TSHZ2: variants seen among roughly 807,000 people sequenced by gnomAD.
TSHZ2 encodes teashirt zinc finger homeobox 2.
A neutral mutation model predicts 74.4 loss-of-function variants in TSHZ2; 21 were observed. The observed-to-expected ratio is 0.28, with a 90% confidence interval of 0.20 to 0.41. The LOEUF is 0.41. TSHZ2 is among the 10% of genes least tolerant of loss of function. The pLI, the probability that TSHZ2 is intolerant of heterozygous loss-of-function variation, is 1.00. For synonymous variants in TSHZ2, 540 were observed against 515.3 expected (o/e 1.05, Z -0.65); for missense variants, 1,244 against 1,293.5 (o/e 0.96, Z 0.59).
intron 1 of TSHZ2, among the ~76,000 whole-genome samples, chr20:52,992,763 A>T (rs1982040908): frequency 6.6e-6 from 1 of 152,228 alleles, no homozygotes; most frequent in Non-Finnish European, 1.5e-5. Flanking sequence ...TAAATGTTTA[A>T]TAAGTTTTAT....
intron 2 of TSHZ2, among the ~76,000 whole-genome samples, chr20:53,415,768 TG>T (rs2145706289): frequency 6.6e-6 from 1 of 151,406 alleles, no homozygotes; most frequent in East Asian, 1.9e-4. Context: ...TGCATGCTTG[TG>T]TACTATAAAT....
intron 2 of TSHZ2, among the ~76,000 whole-genome samples, chr20:53,444,122 TCTC>T (rs991779815): frequency 1.1e-4 from 17 of 152,020 alleles, no homozygotes; most frequent in Admixed American, 8.5e-4. Context: ...TTTGAACAAA[TCTC>T]CTCTTCAGCC....
At chr20:53,125,384 G>A (rs1986919943) in intron 1 of TSHZ2, among the ~76,000 whole-genome samples, 2 of 152,114 alleles carry the variant, frequency 1.3e-5, no homozygotes, top group Admixed American at 1.3e-4. Context: ...TCCTTTTCTT[G>A]TAAAGAATAG....
At chr20:53,428,669 A>T (rs1320783656) in intron 2 of TSHZ2, among the ~76,000 whole-genome samples, 1 of 152,188 alleles carries the variant, frequency 6.6e-6, no homozygotes, top group African/African-American at 2.4e-5. Flanking sequence ...CCCTGGCTCC[A>T]TTTATGAAAA....
Position 53,254,360 on chromosome 20 carries a change from A to T in TSHZ2, c.902A>T (p.Gln301Leu). 6.2e-7 allele frequency: 1 copy of T among 1,614,190 alleles called. No homozygotes were observed. Among genetic ancestry groups the T allele is most frequent in the Non-Finnish European group, 8.5e-7 (1 of 1,180,022 alleles). The change falls in exon 2 of 3, where the codon CAA becomes CTA. Residue 301 changes from glutamine (Q) to leucine (L), a missense_variant. This residue lies in a region of TSHZ2 where 470 missense variants were observed against 456.5 expected (regional missense o/e 1.03). Coordinates refer to ENST00000371497, the MANE Select transcript of TSHZ2 (RefSeq NM_173485.6). ...CACATGATTAAAACAAAACATTACC[A>T]AAAAGTGCCTTTGAAGGAGCCAGTC... is the stretch of plus-strand genomic sequence containing the variant. Reference protein sequence around the residue: ...SVHMIKTKHYQKVPLKEPVPT... With the variant: ...SVHMIKTKHYLKVPLKEPVPT...
At chr20:52,975,522 GGT>G (rs11470780) in intron 1 of TSHZ2, among the ~76,000 whole-genome samples, 30,799 of 149,968 alleles carry the variant, frequency 0.21, 4,636 homozygotes, top group East Asian at 0.61. Context: ...GGTGTGTGGG[GGT>G]GTGTGTGTGT....
intron 1 of TSHZ2, among the ~76,000 whole-genome samples, chr20:53,073,941 C>T (rs1232966360): frequency 2.0e-5 from 3 of 152,136 alleles, no homozygotes; most frequent in African/African-American, 7.2e-5. Context: ...TTCTTGGGGG[C>T]AGGATTTTGC....
intron 1 of TSHZ2, among the ~76,000 whole-genome samples, chr20:53,193,801 C>A (rs1166377723): frequency 6.6e-6 from 1 of 152,102 alleles, no homozygotes; most frequent in Non-Finnish European, 1.5e-5. Context: ...AAGAGGAAAC[C>A]CATGTTGAGT....
At chr20:53,203,228 T>G (rs1202395610) in intron 1 of TSHZ2, among the ~76,000 whole-genome samples, 2 of 145,514 alleles carry the variant, frequency 1.4e-5, no homozygotes, top group Non-Finnish European at 3.0e-5. Flanking sequence ...GGAGTCTCAC[T>G]CTGTTGCCCA....
intron 2 of TSHZ2, among the ~76,000 whole-genome samples, chr20:53,418,264 T>A (rs2145710955): frequency 6.6e-6 from 1 of 152,292 alleles, no homozygotes; most frequent in South Asian, 2.1e-4. Flanking sequence ...TTCCCTTTTT[T>A]CTGATGGGAA....
At chr20:53,020,023 T>G (rs188063885) in intron 1 of TSHZ2, among the ~76,000 whole-genome samples, 26 of 152,270 alleles carry the variant, frequency 1.7e-4, no homozygotes, top group African/African-American at 5.1e-4. Context: ...ACGTCCTACA[T>G]GGTGGCAGGA....
At chr20:53,149,831 A>C (rs1486285045) in intron 1 of TSHZ2, among the ~76,000 whole-genome samples, 1 of 152,322 alleles carries the variant, frequency 6.6e-6, no homozygotes, top group East Asian at 1.9e-4. Context: ...CATTTACAGC[A>C]TCCTGTTTGC....
chr20:53,454,878 A>C (rs1237263710), intron 2 of TSHZ2, among the ~76,000 whole-genome samples: 1 of 152,154 alleles, frequency 6.6e-6, no homozygotes, highest in Non-Finnish European at 1.5e-5. Flanking sequence ...AACTTACCAG[A>C]TCACCACATC....
chr20:53,144,690 A>C (rs898207944), intron 1 of TSHZ2, among the ~76,000 whole-genome samples: 9 of 152,174 alleles, frequency 5.9e-5, no homozygotes, highest in African/African-American at 2.2e-4. Context: ...TGGAGTTGAG[A>C]TTTGAACCCA....
chr20:52,973,329 G>T lies in TSHZ2; in HGVS notation c.36G>T (p.Ala12=). The change falls in exon 1 of 3, where the codon GCG becomes GCT. Residue 12 remains alanine (A), a synonymous_variant. Coordinates refer to ENST00000371497, the MANE Select transcript of TSHZ2 (RefSeq NM_173485.6). ...PRRKQQAPKR[A]AGYAQEEQLK... is the part of the protein sequence containing the mutation. ...GAAAACAGCAGGCACCCAAGCGGGC[G>T]GCAGGTAAGAGAAACGGCTCCGCTT... 6.4e-7 allele frequency: 1 copy of T among 1,552,146 alleles called. No individual in the cohort carries two copies. Among genetic ancestry groups the T allele is most frequent in the Non-Finnish European group, 8.7e-7 (1 of 1,147,064 alleles).
At chr20:53,233,580 G>A (rs1600757353) in intron 1 of TSHZ2, among the ~76,000 whole-genome samples, 1 of 152,162 alleles carries the variant, frequency 6.6e-6, no homozygotes, top group East Asian at 1.9e-4. Context: ...TACAGATGAG[G>A]AAACTGAGAC....
intron 2 of TSHZ2, among the ~76,000 whole-genome samples, chr20:53,371,731 C>A (rs187907927): frequency 6.6e-6 from 1 of 151,708 alleles, no homozygotes; most frequent in East Asian, 1.9e-4. Context: ...TAAAAGTTAG[C>A]GGGGCATGGT....
chr20:53,298,589 G>A (rs1991425155), intron 2 of TSHZ2, among the ~76,000 whole-genome samples: 1 of 152,220 alleles, frequency 6.6e-6, no homozygotes, highest in African/African-American at 2.4e-5. Context: ...TAGTACTGAG[G>A]CAGGGAGCGG....
chr20:53,453,499 C>T (rs1284027931), intron 2 of TSHZ2, among the ~76,000 whole-genome samples: 2 of 152,036 alleles, frequency 1.3e-5, no homozygotes, highest in South Asian at 2.1e-4. Flanking sequence ...TTTTCCTGTG[C>T]TCTAATAATA....
Sources: allele counts gnomAD v4.1 joint callset (sites outside exome capture counted in the v4.1 genomes callset), GRCh38; gene constraint gnomAD v4.1.1; regional missense constraint gnomAD v4.1.1; transcripts MANE v1.5; gene names NCBI Gene and HGNC (gene_info 2026-07-23, HGNC 2026-07-21).